Variants in LSS observed in about 807,000 individuals in gnomAD.
LSS encodes lanosterol synthase.
LSS carries 90 observed loss-of-function variants against 110.3 expected under a neutral mutation model. That is an observed-to-expected ratio of 0.82 (90% CI 0.69 to 0.97). LSS has a LOEUF of 0.97. LSS is among the 50% of genes least tolerant of loss of function. The pLI, the probability that LSS is intolerant of heterozygous loss-of-function variation, is 0.00. For missense variants in LSS, 927 were observed against 990.0 expected (o/e 0.94, Z 0.85); for synonymous variants, 433 against 400.0 (o/e 1.08, Z -0.98).
Position 46,213,026 on chromosome 21 carries a change from T to C in LSS, c.1136A>G (p.Gln379Arg), listed in dbSNP as rs1207026088. The C allele has an allele frequency of 2.5e-6, 4 of 1,613,870 alleles. No individual in the cohort carries two copies. The highest frequency in any genetic ancestry group is 3.4e-6 in the Non-Finnish European group (4 of 1,180,030). Residue 379 changes from glutamine to arginine, a missense_variant and splice_region_variant, in exon 11 of 22, where the codon CAG becomes CGG. Coordinates refer to ENST00000397728, the MANE Select transcript of LSS (RefSeq NM_002340.6). ...LWMGLDGMKM[Q>R]GTNGSQIWDT... ...CAGCCGCAGTCCCGCAGCCCTTACC[T>C]GCATTTTCATGCCGTCAAGGCCCAT...
chr21:46,204,099 C>T (rs1244504017), intron 17 of LSS, among the ~76,000 whole-genome samples: 1 of 152,122 alleles, frequency 6.6e-6, no homozygotes, highest in Non-Finnish European at 1.5e-5. Context: ...TCAAGACCAG[C>T]TTGGACAACA....
intron 4 of LSS, 90 bp from the exon 5 acceptor site, chr21:46,222,065 C>A: frequency 6.8e-7 from 1 of 1,477,644 alleles, no homozygotes; most frequent in Non-Finnish European, 9.3e-7. Flanking sequence ...CCTCAGAAAA[C>A]TAAGAATGCT....
chr21:46,227,711 A>G, intron 2 of LSS, 21 bp from the exon 3 acceptor site: 1 of 1,612,390 alleles, frequency 6.2e-7, no homozygotes, highest in Non-Finnish European at 8.5e-7. Flanking sequence ...ATCGAAAAAA[A>G]AAAAAAGAGA....
chr21:46,215,686 A>G lies in LSS; in HGVS notation c.891T>C (p.Tyr297=), dbSNP rs1017871125. ...TPHSWLLRVV[Y]ALLNLYEHHH... is the part of the protein sequence containing the mutation. The stretch of plus-strand genomic sequence containing the variant: ...GCCGGCCCCTCAGGAGGCGCTCACC[A>G]TATACCACGCGGAGCAGCCAGCTGT... Residue 297 remains tyrosine (Y), a splice_region_variant and synonymous_variant, in exon 8 of 22, where the codon TAT becomes TAC. Transcript: ENST00000397728. 2.5e-6 allele frequency: 4 copies of G among 1,607,850 alleles called. No individual in the cohort carries two copies. Among genetic ancestry groups the G allele is most frequent in the Non-Finnish European group, 3.4e-6 (4 of 1,176,202 alleles).
intron 2 of LSS, 131 bp downstream of exon 2, chr21:46,228,303 C>G: frequency 1.9e-6 from 2 of 1,044,878 alleles, no homozygotes; most frequent in Non-Finnish European, 2.7e-6. Context: ...ACGCAGTTCC[C>G]GTGGGCGCTC....
At chr21:46,208,041 T>A (rs1183007082) in intron 14 of LSS, among the ~76,000 whole-genome samples, 1 of 152,310 alleles carries the variant, frequency 6.6e-6, no homozygotes, top group South Asian at 2.1e-4. Flanking sequence ...CACGGCTGTG[T>A]GTGCAAGCCA....
chr21:46,228,448 G>C lies in LSS; in HGVS notation c.166C>G (p.Leu56Val). The C allele has an allele frequency of 3.1e-6, 5 of 1,603,356 alleles. No homozygotes were observed. Among genetic ancestry groups the C allele is most frequent in the Non-Finnish European group, 4.2e-6 (5 of 1,179,630 alleles). The change falls in exon 2 of 22, where the codon CTG (leucine) becomes GTG (valine). Residue 56 changes from leucine (L) to valine (V), a missense_variant. By Grantham distance (32) the Leu-to-Val change is conservative. Coordinates refer to ENST00000397728, the MANE Select transcript of LSS (RefSeq NM_002340.6). ...REQTGLEAYA[L>V]GLDTKNYFKD... ...AAGCAACTTACGGTGTCCAGCCCCA[G>C]GGCGTAGGCTTCCAGGCCGGTCTGC...
chr21:46,227,806 G>GT, intron 2 of LSS, 116 bp from the exon 3 acceptor site: 1 of 1,185,122 alleles, frequency 8.4e-7, no homozygotes, highest in Non-Finnish European at 1.2e-6. Flanking sequence ...TACTTTAAAA[G>GT]TTTCAGCTGT....
intron 5 of LSS, 23 bp from the exon 6 acceptor site, chr21:46,219,595 C>T: frequency 6.9e-7 from 1 of 1,458,950 alleles, no homozygotes; most frequent in South Asian, 1.3e-5. Context: ...AGAATAGGCC[C>T]ACGTCATCTG....
chr21:46,215,216 G>C lies in LSS; in HGVS notation c.975C>G (p.Ala325=). The C allele has an allele frequency of 6.2e-7, 1 of 1,611,088 alleles. No homozygotes were observed. The highest frequency in any genetic ancestry group is 8.5e-7 in the Non-Finnish European group (1 of 1,179,912). ...AVQKLYEHIV[A]DDRFTKSISI... ...TGATGCTCTTGGTGAATCGGTCGTC[G>C]GCCACAATGTGTTCATACAGCTTCT... The change falls in exon 9 of 22, where the codon GCC becomes GCG. Residue 325 remains alanine (A), a synonymous_variant. Coordinates refer to ENST00000397728, the MANE Select transcript of LSS (RefSeq NM_002340.6).
In LSS at chr21:46,202,219, C is replaced by A. The variant is rs369696223; in HGVS notation, c.1670+3617G>T. On this transcript the variant is annotated intron_variant, in intron 17 of 21. Coordinates refer to ENST00000397728, the MANE Select transcript of LSS (RefSeq NM_002340.6). ...ACCATCCTGGCTAAAACGGTGAAAC[C>A]CCGTCTCTACTAAAAATACAAAAAA... Among the ~76,000 whole-genome samples, 1,217 of 143,014 alleles carry A rather than the reference C, an allele frequency of 8.5e-3. 10 individuals are homozygous for A. The highest frequency in any genetic ancestry group is 0.018 in the Middle Eastern group (5 of 278). The allele number at this position is 143,014 out of a possible 152,430, so 93.8% of individuals were successfully genotyped here.
intron 4 of LSS, chr21:46,222,190 T>G: frequency 1.7e-6 from 1 of 577,636 alleles, no homozygotes; most frequent in Non-Finnish European, 3.1e-6. Context: ...TTCCTCACCG[T>G]GACCCGCCTG....
At chr21:46,194,378 GC>G in intron 20 of LSS, 112 bp downstream of exon 20, 1 of 1,278,072 alleles carries the variant, frequency 7.8e-7, no homozygotes, top group Non-Finnish European at 1.1e-6. Context: ...AGCTGACCTG[GC>G]CCACAGGCCT....
At chr21:46,208,192 C>A in intron 14 of LSS, 59 bp downstream of exon 14, 6 of 1,507,588 alleles carry the variant, frequency 4.0e-6, no homozygotes, top group Non-Finnish European at 5.4e-6. Flanking sequence ...AAGGACCCAC[C>A]CTGCTGAGGG....
Position 46,228,483 on chromosome 21 carries a change from G to A in LSS, c.131C>T (p.Ala44Val). ...TTCCAGGCCGGTCTGCTCGCGGCCGGCGCGCTCGTCCTGCAGGTAGGTCCA... is the reference window on the plus strand; with the variant it reads ...TTCCAGGCCGGTCTGCTCGCGGCCGACGCGCTCGTCCTGCAGGTAGGTCCA... ...QTWTYLQDER[A>V]GREQTGLEAY... Residue 44 changes from alanine (A) to valine (V), a missense_variant, in exon 2 of 22, where the codon GCC becomes GTC. Transcript: ENST00000397728. 6.2e-7 allele frequency: 1 copy of A among 1,603,346 alleles called. No homozygotes were observed. Among genetic ancestry groups the A allele is most frequent in the Non-Finnish European group, 8.5e-7 (1 of 1,179,594 alleles).
chr21:46,194,387 C>G, intron 20 of LSS, 104 bp downstream of exon 20: 42 of 1,352,562 alleles, frequency 3.1e-5, no homozygotes, highest in South Asian at 3.8e-5. Context: ...GGCCCACAGG[C>G]CTCCCCTCCT....
At chr21:46,218,111 C>T (rs2080230321) in intron 6 of LSS, among the ~76,000 whole-genome samples, 1 of 134,894 alleles carries the variant, frequency 7.4e-6, no homozygotes, top group Admixed American at 7.4e-5. Flanking sequence ...ACCCCCCACC[C>T]CCGCACCAAA....
At chr21:46,203,156 AC>A (rs1387944462) in intron 17 of LSS, among the ~76,000 whole-genome samples, 1 of 152,258 alleles carries the variant, frequency 6.6e-6, no homozygotes, top group African/African-American at 2.4e-5. Flanking sequence ...ATGGGGGCTG[AC>A]CCAGGCAGGT....
intron 17 of LSS, among the ~76,000 whole-genome samples, chr21:46,203,404 C>T (rs1222119102): frequency 2.0e-5 from 3 of 152,110 alleles, no homozygotes; most frequent in Non-Finnish European, 1.5e-5. Context: ...GTGGGCCAGG[C>T]GTGAAAGGGG....
Sources: allele counts gnomAD v4.1 joint callset (sites outside exome capture counted in the v4.1 genomes callset), GRCh38; gene constraint gnomAD v4.1.1; transcripts MANE v1.5; gene names NCBI Gene and HGNC (gene_info 2026-07-23, HGNC 2026-07-21).